Variants in FYB2 observed in about 807,000 individuals in gnomAD.
The protein encoded by FYB2 is FYN binding protein 2.
A neutral mutation model predicts 94.1 loss-of-function variants in FYB2; 103 were observed. The observed-to-expected ratio is 1.09, with a 90% CI of 0.93 to 1.29. The LOEUF is 1.29. FYB2 is among the 50% of genes most tolerant of loss of function. FYB2 has a pLI of 0.00. For missense variants in FYB2, 896 were observed against 841.5 expected (o/e 1.06, Z -0.80); for synonymous variants, 293 against 287.9 (o/e 1.02, Z -0.18).
rs747612506 is a variant in FYB2, at chr1:56,744,142, T to C, written c.1502+10A>G. 1.4e-5 allele frequency: 22 copies of C among 1,611,674 alleles called. 1 individual carries two copies. Among genetic ancestry groups the C allele is most frequent in the South Asian group, 1.1e-4 (10 of 91,014 alleles). Reference sequence around the variant, plus strand: ...CATTCATCTTGCTGAAAGACTGGAATGTTACTTACACCTCTTTCCTGGAGT... The same window carrying C: ...CATTCATCTTGCTGAAAGACTGGAACGTTACTTACACCTCTTTCCTGGAGT... On this transcript the variant is annotated intron_variant, in intron 10 of 19. Coordinates refer to ENST00000343433, the MANE Select transcript of FYB2 (RefSeq NM_001004303.5).
chr1:56,809,351 C>T (rs565614515), intron 1 of FYB2, among the ~76,000 whole-genome samples: 2 of 150,876 alleles, frequency 1.3e-5, no homozygotes, highest in Non-Finnish European at 2.9e-5. Context: ...CTTCTCTCTC[C>T]CTCTGAATTT....
intron 15 of FYB2, among the ~76,000 whole-genome samples, chr1:56,731,157 T>C (rs1041264382): frequency 1.3e-5 from 2 of 152,026 alleles, no homozygotes; most frequent in Non-Finnish European, 2.9e-5. Flanking sequence ...GCTGTTCCTC[T>C]GTAGCCTCAC....
chr1:56,766,785 G>T (rs1280941219), intron 5 of FYB2, among the ~76,000 whole-genome samples: 1 of 152,138 alleles, frequency 6.6e-6, no homozygotes, highest in Non-Finnish European at 1.5e-5. Flanking sequence ...AGTAGGTCCT[G>T]ATCCTTACCT....
chr1:56,743,862 C>T (rs1569946892), intron 11 of FYB2, among the ~76,000 whole-genome samples, 164 bp downstream of exon 11: 1 of 152,012 alleles, frequency 6.6e-6, no homozygotes, highest in Non-Finnish European at 1.5e-5. Flanking sequence ...TTAGCACATA[C>T]CTTGGTATTG....
At chr1:56,743,104 T>C (rs1336658607) in intron 11 of FYB2, among the ~76,000 whole-genome samples, 1 of 152,174 alleles carries the variant, frequency 6.6e-6, no homozygotes, top group East Asian at 2.0e-4. Context: ...AATTTTCAAG[T>C]ATATAATACT....
chr1:56,795,934 T>C (rs1390295217), intron 1 of FYB2, among the ~76,000 whole-genome samples: 1 of 152,200 alleles, frequency 6.6e-6, no homozygotes, highest in Non-Finnish European at 1.5e-5. Flanking sequence ...GCATGTTCAT[T>C]AAGTATCTAC....
chr1:56,767,691 A>T, intron 5 of FYB2, 138 bp downstream of exon 5: 1 of 682,646 alleles, frequency 1.5e-6, no homozygotes, highest in East Asian at 3.0e-5. Flanking sequence ...CACAGAAAAA[A>T]AAAAGAAAAA....
chr1:56,740,838 A>G, intron 12 of FYB2, 43 bp from the exon 13 acceptor site: 1 of 1,313,448 alleles, frequency 7.6e-7, no homozygotes, highest in Non-Finnish European at 1.1e-6. Context: ...CATTTAAGAG[A>G]GTACTAGAGA....
At chr1:56,789,165 A>G (rs1422043230) in intron 2 of FYB2, 31 bp from the exon 3 acceptor site, 2 of 1,530,840 alleles carry the variant, frequency 1.3e-6, no homozygotes, top group African/African-American at 2.8e-5. Flanking sequence ...AATGTAAGTT[A>G]TGATTATTTT....
intron 1 of FYB2, among the ~76,000 whole-genome samples, chr1:56,814,757 T>C (rs188548915): frequency 1.3e-5 from 2 of 152,318 alleles, no homozygotes; most frequent in East Asian, 1.9e-4. Context: ...ACCATCCTTA[T>C]AGTACAGATC....
At chr1:56,814,500 A>T (rs1244831091) in intron 1 of FYB2, among the ~76,000 whole-genome samples, 1 of 152,224 alleles carries the variant, frequency 6.6e-6, no homozygotes, top group Non-Finnish European at 1.5e-5. Flanking sequence ...GCCCTCCAGT[A>T]GTACAGGTCA....
At chr1:56,735,643 T>TGTTCTCATTATAGTGAATGA (rs1412567654) in intron 15 of FYB2, among the ~76,000 whole-genome samples, 11 of 152,050 alleles carry the variant, frequency 7.2e-5, no homozygotes, top group Non-Finnish European at 2.9e-5. Flanking sequence ...TCCTACATAG[T>TGTTCTCATTATAGTGAATGA]GTTCTCATTA....
At chr1:56,735,586 A>T (rs1245801229) in intron 15 of FYB2, among the ~76,000 whole-genome samples, 2 of 152,106 alleles carry the variant, frequency 1.3e-5, no homozygotes, top group African/African-American at 4.8e-5. Context: ...CTTGAATTGT[A>T]ATCCCCATGT....
At chr1:56,769,841 T>G (rs185280195) in intron 4 of FYB2, among the ~76,000 whole-genome samples, 1 of 152,276 alleles carries the variant, frequency 6.6e-6, no homozygotes, top group African/African-American at 2.4e-5. Flanking sequence ...GGTCAAGGAT[T>G]GTAATAAATG....
intron 19 of FYB2, 36 bp from the exon 20 acceptor site, chr1:56,719,728 T>C: frequency 6.6e-7 from 1 of 1,515,058 alleles, no homozygotes; most frequent in Non-Finnish European, 9.0e-7. Context: ...CATTTTAAAA[T>C]ATAGGACAAT....
chr1:56,795,596 A>T (rs1646378210), intron 1 of FYB2, among the ~76,000 whole-genome samples: 1 of 150,002 alleles, frequency 6.7e-6, no homozygotes. Flanking sequence ...ATTCTCACCA[A>T]CAGTGTACAG....
At chr1:56,720,465 A>G (rs1315553795) in intron 17 of FYB2, 136 bp from the exon 18 acceptor site, 2 of 687,042 alleles carry the variant, frequency 2.9e-6, no homozygotes, top group East Asian at 6.4e-5. Flanking sequence ...ACATACAGGA[A>G]GAGAAAATAG....
intron 15 of FYB2, among the ~76,000 whole-genome samples, chr1:56,736,802 C>T (rs906068925): frequency 2.0e-5 from 3 of 152,074 alleles, no homozygotes; most frequent in Non-Finnish European, 4.4e-5. Context: ...TTGTCATGTA[C>T]ATTGGAGATA....
rs1645075288 is a variant in FYB2 at position 56,746,707 on chromosome 1, A to T, written c.1388-2441T>A. On this transcript the variant is annotated intron_variant, in intron 9 of 19. Coordinates refer to ENST00000343433, the MANE Select transcript of FYB2 (RefSeq NM_001004303.5). ...TTTATCCATTCTACTTTTTATGGGCATCTGGACAGTTTCCAATTTGGGGCT... is the reference window on the plus strand; with the variant it reads ...TTTATCCATTCTACTTTTTATGGGCTTCTGGACAGTTTCCAATTTGGGGCT... Among the ~76,000 whole-genome samples the T allele has an allele frequency of 2.6e-5, 4 of 152,116 alleles. No individual in the cohort carries two copies. The South Asian group carries it at 8.3e-4, about 32-fold the overall frequency.
Sources: allele counts gnomAD v4.1 joint callset (sites outside exome capture counted in the v4.1 genomes callset), GRCh38; gene constraint gnomAD v4.1.1; transcripts MANE v1.5; gene names NCBI Gene and HGNC (gene_info 2026-07-23, HGNC 2026-07-21).